The following PPP3R1 variants were observed in gnomAD, a reference collection of about 807,000 sequenced individuals.
PPP3R1 encodes calcineurin subunit B type 1.
Under a neutral mutation model 22.6 loss-of-function variants are expected in PPP3R1, and 5 were observed. The ratio of observed to expected loss-of-function variants is 0.22; its 90% CI spans 0.12 to 0.46. The LOEUF (loss-of-function observed/expected upper bound fraction) is 0.46, where lower values mean the gene tolerates loss of function less well. Ranked by LOEUF, PPP3R1 falls within the 20% of genes least tolerant of loss-of-function variation. The pLI is 0.99. For synonymous variants in PPP3R1, 56 were observed against 65.2 expected (o/e 0.86, Z 0.68); for missense variants, 61 against 203.2 (o/e 0.30, Z 4.25).
At chr2:68,198,296 T>C (rs1333825929) in intron 2 of PPP3R1, among the ~76,000 whole-genome samples, 6 of 141,944 alleles carry the variant, frequency 4.2e-5, no homozygotes, top group African/African-American at 1.4e-4. Flanking sequence ...TGTATACACA[T>C]GTATACATGT....
rs554689347 is a variant in PPP3R1, at chr2:68,233,921, A to C, written c.4-16790T>G. Among the ~76,000 whole-genome samples the C allele has an allele frequency of 2.6e-5, 4 of 152,334 alleles. No individual in the cohort carries two copies. The South Asian group carries it at 8.3e-4, about 32-fold the overall frequency. The stretch of plus-strand genomic sequence containing the variant: ...GACTATAAACAGGGATGGAAAAAAG[A>C]AAGTTAACATTTACTGAATACAAAA... On this transcript the variant is annotated intron_variant, in intron 1 of 5. Transcript: ENST00000234310.
rs1674549716 is a variant in PPP3R1, at chr2:68,186,531, G to A, written c.402C>T (p.Asp134=). Residue 134 remains aspartate, a synonymous_variant, in exon 5 of 6, where the codon GAC becomes GAT. Coordinates refer to ENST00000234310, the MANE Select transcript of PPP3R1 (RefSeq NM_000945.4). ...LKDTQLQQIV[D]KTIINADKDG... ...CCTTATCTGCATTTATTATGGTTTT[G>A]TCTACAATTTGCTGTAACTGTGTAT... 6.2e-7 allele frequency: 1 copy of A among 1,613,140 alleles called. No individual in the cohort carries two copies. Among genetic ancestry groups the A allele is most frequent in the Middle Eastern group, 1.7e-4 (1 of 6,058 alleles).
rs2103826693 is a variant in PPP3R1, at chr2:68,252,502, C to T, written c.-375G>A. 2 of 970,656 alleles carry T rather than the reference C, an allele frequency of 2.1e-6. No individual in the cohort carries two copies. The highest frequency in any genetic ancestry group is 2.4e-6 in the Non-Finnish European group (2 of 827,820). 60.1% of individuals were successfully genotyped at this position (970,656 alleles called of 1,614,324 possible). On this transcript the variant is annotated 5_prime_UTR_variant, in exon 1 of 6. Transcript: ENST00000234310. The stretch of plus-strand genomic sequence containing the variant: ...CGGAGCCGTGACGGACTCACTGCAG[C>T]GGCTCGCGCTGACCCGCAACCTCAA...
intron 2 of PPP3R1, among the ~76,000 whole-genome samples, chr2:68,198,179 A>AT (rs1395969682): frequency 6.9e-6 from 1 of 144,066 alleles, no homozygotes; most frequent in Non-Finnish European, 1.5e-5. Context: ...ACATACATGT[A>AT]TATATAATAT....
chr2:68,189,054 C>A lies in PPP3R1; in HGVS notation c.44-364G>T, dbSNP rs150456007. On this transcript the variant is annotated intron_variant, in intron 2 of 5. Coordinates refer to ENST00000234310, the MANE Select transcript of PPP3R1 (RefSeq NM_000945.4). The stretch of plus-strand genomic sequence containing the variant: ...AGGACTGACAATGCTAAGCTGATCA[C>A]GGAGGTTCTACCAGACAGGTTCAAT... Among the ~76,000 whole-genome samples the A allele has an allele frequency of 2.8e-3, 429 of 152,254 alleles. 9 individuals carry two copies. Among genetic ancestry groups the A allele is most frequent in the Non-Finnish European group, 8.2e-4 (56 of 68,018 alleles).
rs559840663 is a variant in PPP3R1, at chr2:68,225,198, A to G, written c.4-8067T>C. Among the ~76,000 whole-genome samples the G allele has an allele frequency of 1.8e-3, 281 of 152,352 alleles. 2 individuals carry two copies. Among genetic ancestry groups the G allele is most frequent in the African/African-American group, 6.5e-3 (272 of 41,584 alleles). ...TTACTGCTGCAGAAGGATTTTGCAC[A>G]TGTAATTAAGGTCCCAAATCAACCA... On this transcript the variant is annotated intron_variant, in intron 1 of 5. Coordinates refer to ENST00000234310, the MANE Select transcript of PPP3R1 (RefSeq NM_000945.4).
intron 2 of PPP3R1, among the ~76,000 whole-genome samples, chr2:68,190,765 AC>A (rs762681128): frequency 4.6e-5 from 7 of 151,846 alleles, no homozygotes; most frequent in Non-Finnish European, 8.8e-5. Context: ...GCTCCCCCTC[AC>A]CCCCACAACT....
At chr2:68,207,705 A>T (rs1669340102) in intron 2 of PPP3R1, among the ~76,000 whole-genome samples, 1 of 152,202 alleles carries the variant, frequency 6.6e-6, no homozygotes, top group Non-Finnish European at 1.5e-5. Context: ...GCCACAATCA[A>T]TCCCAACTCT....
chr2:68,205,428 G>T (rs541519103), intron 2 of PPP3R1, among the ~76,000 whole-genome samples: 37 of 151,924 alleles, frequency 2.4e-4, no homozygotes, highest in Non-Finnish European at 4.4e-4. Context: ...ATTTTTAGTA[G>T]AGATGGGGTT....
chr2:68,241,698 G>C (rs774820739), intron 1 of PPP3R1, among the ~76,000 whole-genome samples: 2 of 152,048 alleles, frequency 1.3e-5, no homozygotes, highest in Non-Finnish European at 2.9e-5. Context: ...ACAAAAATTA[G>C]CCAGGCACGG....
chr2:68,238,260 G>A (rs1358056687), intron 1 of PPP3R1, among the ~76,000 whole-genome samples: 1 of 152,124 alleles, frequency 6.6e-6, no homozygotes, highest in Non-Finnish European at 1.5e-5. Context: ...AACAGTTTAG[G>A]AGGGCAGGCA....
chr2:68,240,727 A>C (rs1019000119), intron 1 of PPP3R1, among the ~76,000 whole-genome samples: 1 of 152,246 alleles, frequency 6.6e-6, no homozygotes, highest in African/African-American at 2.4e-5. Context: ...AAGTGGCTAG[A>C]GCACAGAAAA....
rs566650181 is a variant in PPP3R1 at position 68,180,436 on chromosome 2, A to T, written c.*527T>A. On this transcript the variant is annotated 3_prime_UTR_variant, in exon 6 of 6. Transcript: ENST00000234310. ...AATCTCTCAAAGGAGAAAGCACAGG[A>T]AAAGGAAAATAGCTGGCCTAACACC... The T allele has an allele frequency of 1.3e-5, 2 of 152,220 alleles. No individual in the cohort carries two copies. Among genetic ancestry groups the T allele is most frequent in the South Asian group, 4.1e-4 (2 of 4,828 alleles). 9.4% of individuals were successfully genotyped at this position (152,220 alleles called of 1,614,324 possible). A position where few individuals can be genotyped will look rare whatever the true frequency, so the allele number is the denominator to read the frequency against.
intron 1 of PPP3R1, 135 bp downstream of exon 1, chr2:68,251,990 G>C (rs1364076680): frequency 2.2e-6 from 2 of 928,128 alleles, no homozygotes; most frequent in Non-Finnish European, 2.7e-6. Context: ...AACCGCCGCG[G>C]GACCCGCCGG....
At chr2:68,188,456 TG>T in intron 3 of PPP3R1, 57 bp downstream of exon 3, 1 of 1,347,272 alleles carries the variant, frequency 7.4e-7, no homozygotes, top group Non-Finnish European at 1.0e-6. Context: ...TACACAGAGC[TG>T]TAAGAATACA....
intron 1 of PPP3R1, among the ~76,000 whole-genome samples, chr2:68,245,863 C>T (rs1290572025): frequency 6.6e-6 from 1 of 152,038 alleles, no homozygotes; most frequent in African/African-American, 2.4e-5. Context: ...CTTATATGAC[C>T]TACATAATAG....
chr2:68,231,595 T>C (rs1669899358), intron 1 of PPP3R1, among the ~76,000 whole-genome samples: 1 of 152,236 alleles, frequency 6.6e-6, no homozygotes, highest in Non-Finnish European at 1.5e-5. Context: ...GTACAAGTAG[T>C]GCTTTACACT....
intron 2 of PPP3R1, among the ~76,000 whole-genome samples, chr2:68,196,801 T>C (rs2103735581): frequency 6.6e-6 from 1 of 152,294 alleles, no homozygotes; most frequent in African/African-American, 2.4e-5. Context: ...CTCAGCTCAC[T>C]GTAACCTCTG....
chr2:68,214,517 CAT>C (rs1205559069), intron 2 of PPP3R1, among the ~76,000 whole-genome samples: 2 of 152,106 alleles, frequency 1.3e-5, no homozygotes, highest in African/African-American at 4.8e-5. Context: ...GGCCAACAAT[CAT>C]ATGAAAAAAA....
Sources: gnomAD v4.1 joint callset for allele counts (sites outside exome capture counted in the v4.1 genomes callset) on GRCh38, gnomAD v4.1.1 for gene constraint, MANE v1.5 for transcripts, NCBI Gene and HGNC (gene_info 2026-07-23, HGNC 2026-07-21) for gene names.